The following ARHGEF38 variants were observed in gnomAD, a reference collection of about 807,000 sequenced individuals.
The protein encoded by ARHGEF38 is Rho guanine nucleotide exchange factor (GEF) 38.
A neutral mutation model predicts 79.9 loss-of-function variants in ARHGEF38; 79 were observed. The observed-to-expected ratio is 0.99, with a 90% CI of 0.82 to 1.19. The LOEUF is 1.19. Ranked by LOEUF, ARHGEF38 falls within the 50% of genes most tolerant of loss-of-function variation. ARHGEF38 has a pLI of 0.00. For missense variants in ARHGEF38, 962 were observed against 907.2 expected (o/e 1.06, Z -0.78); for synonymous variants, 366 against 328.3 (o/e 1.11, Z -1.24).
intron 3 of ARHGEF38, among the ~76,000 whole-genome samples, chr4:105,617,987 C>T (rs1728578052): frequency 6.6e-6 from 1 of 151,826 alleles, no homozygotes; most frequent in Admixed American, 6.6e-5. Context: ...ATAGAAACAA[C>T]TTACTTGGTG....
At chr4:105,598,250 G>C (rs1041389082) in intron 2 of ARHGEF38, among the ~76,000 whole-genome samples, 1 of 152,130 alleles carries the variant, frequency 6.6e-6, no homozygotes, top group Admixed American at 6.6e-5. Context: ...CCCACCCACT[G>C]TAGAGTAAGG....
In ARHGEF38 at chr4:105,552,833, G is replaced by A. The variant is rs983609319; in HGVS notation, c.68G>A (p.Arg23Lys). 6.2e-7 allele frequency: 1 copy of A among 1,613,886 alleles called. No homozygotes were observed. The highest frequency in any genetic ancestry group is 8.5e-7 in the Non-Finnish European group (1 of 1,179,838). ...VTKKKNLAFL[R>K]SRLYMLERRK... The stretch of plus-strand genomic sequence containing the variant: ...AAGAAAAAGAATCTGGCCTTCTTGA[G>A]GTCTAGACTCTATATGCTGGAGAGA... The change falls in exon 1 of 14, where the codon AGG becomes AAG. Residue 23 changes from arginine (R) to lysine (K), a missense_variant. By Grantham distance (26) the Arg-to-Lys change is conservative. Coordinates refer to ENST00000420470, the MANE Select transcript of ARHGEF38 (RefSeq NM_001242729.2).
chr4:105,652,066 G>A (rs1730126454), intron 7 of ARHGEF38, among the ~76,000 whole-genome samples: 1 of 152,198 alleles, frequency 6.6e-6, no homozygotes, highest in Admixed American at 6.5e-5. Context: ...GGCAGAGCCA[G>A]CTGCAAGGGA....
intron 5 of ARHGEF38, among the ~76,000 whole-genome samples, chr4:105,637,260 G>A (rs948560029): frequency 1.3e-5 from 2 of 152,102 alleles, no homozygotes; most frequent in Non-Finnish European, 2.9e-5. Flanking sequence ...TTGGTGCAGA[G>A]CAACAGTGAG....
intron 13 of ARHGEF38, among the ~76,000 whole-genome samples, chr4:105,668,811 G>A (rs1163084232): frequency 1.3e-5 from 2 of 152,114 alleles, no homozygotes; most frequent in Non-Finnish European, 2.9e-5. Flanking sequence ...ATTTTGTGAG[G>A]CTGAGGTGGG....
intron 2 of ARHGEF38, among the ~76,000 whole-genome samples, chr4:105,606,367 T>C (rs2110482390): frequency 6.6e-6 from 1 of 152,180 alleles, no homozygotes; most frequent in South Asian, 2.1e-4. Flanking sequence ...TAAATATATA[T>C]GTCATGCACA....
intron 9 of ARHGEF38, among the ~76,000 whole-genome samples, chr4:105,657,008 GTGA>G (rs1262483701): frequency 4.6e-5 from 7 of 151,998 alleles, no homozygotes; most frequent in Non-Finnish European, 1.0e-4. Context: ...ATAGATGATG[GTGA>G]TGATGAGATA....
rs539372730 is a variant in ARHGEF38, at chr4:105,585,167, C to T, written c.197-4081C>T. ...GTTTGAGACTGTAGAGAAAGTAACC[C>T]TATTTTTCCCATTCCCACAGAAATA... On this transcript the variant is annotated intron_variant, in intron 1 of 13. Coordinates refer to ENST00000420470, the MANE Select transcript of ARHGEF38 (RefSeq NM_001242729.2). Among the ~76,000 whole-genome samples, 420 of 88,068 alleles carry T rather than the reference C, an allele frequency of 4.8e-3. 2 individuals carry two copies. Among genetic ancestry groups the T allele is most frequent in the Middle Eastern group, 0.02 (4 of 200 alleles). 57.8% of individuals were successfully genotyped at this position (88,068 alleles called of 152,430 possible).
intron 1 of ARHGEF38, among the ~76,000 whole-genome samples, chr4:105,554,070 G>A (rs149478085): frequency 1.1e-3 from 161 of 151,972 alleles, no homozygotes; most frequent in African/African-American, 3.3e-3. Flanking sequence ...ATTACCAGTA[G>A]TTCAGCACTA....
At position 105,667,223 on chromosome 4, in the gene ARHGEF38, C is replaced by T. The variant is rs775571980; in HGVS notation, c.1784C>T (p.Ala595Val). The T allele has an allele frequency of 2.6e-5, 40 of 1,536,030 alleles. No individual in the cohort carries two copies. Among genetic ancestry groups the T allele is most frequent in the Non-Finnish European group, 2.2e-5 (25 of 1,146,922 alleles). ...TATCAAGCTAAGCGCAAGTGCAATG[C>T]TACACAAGAATATGACATCAATCTT... ...ELYQAKRKCN[A>V]TQEYDINLLE... The change falls in exon 12 of 14, where the codon GCT becomes GTT. Residue 595 changes from alanine (A) to valine (V), a missense_variant. By Grantham distance (64) the Ala-to-Val change is moderately conservative. Coordinates refer to ENST00000420470, the MANE Select transcript of ARHGEF38 (RefSeq NM_001242729.2).
chr4:105,639,479 C>T (rs1178113203), intron 5 of ARHGEF38, among the ~76,000 whole-genome samples: 1 of 151,734 alleles, frequency 6.6e-6, no homozygotes, highest in East Asian at 1.9e-4. Context: ...AAGGATGATC[C>T]TATGATTTCT....
chr4:105,553,009 A>G lies in ARHGEF38; in HGVS notation c.196+48A>G, dbSNP rs1019891467. On this transcript the variant is annotated intron_variant, in intron 1 of 13. Coordinates refer to ENST00000420470, the MANE Select transcript of ARHGEF38 (RefSeq NM_001242729.2). ...TCCCAGTTACTGCACTCCCAGCTCC[A>G]TTTCTGCTACGTTTCCAATTGCAAA... 2.8e-6 allele frequency: 4 copies of G among 1,445,402 alleles called. No homozygotes were observed. In the African/African-American group the frequency reaches 5.7e-5, roughly 21 times the overall value. The allele number at this position is 1,445,402 out of a possible 1,614,324, so 89.5% of individuals were successfully genotyped here. A position where few individuals can be genotyped will look rare whatever the true frequency, so the allele number is the denominator to read the frequency against.
intron 13 of ARHGEF38, among the ~76,000 whole-genome samples, chr4:105,670,805 C>T (rs1215415247): frequency 1.3e-5 from 2 of 152,134 alleles, no homozygotes; most frequent in South Asian, 2.1e-4. Flanking sequence ...CCTAGATGGA[C>T]AGAAATCTGA....
At chr4:105,614,561 G>A (rs1728438270) in intron 3 of ARHGEF38, among the ~76,000 whole-genome samples, 1 of 152,136 alleles carries the variant, frequency 6.6e-6, no homozygotes, top group Non-Finnish European at 1.5e-5. Flanking sequence ...GCTGATCAAA[G>A]ACATGAAATA....
At chr4:105,591,329 T>C (rs914233955) in intron 2 of ARHGEF38, among the ~76,000 whole-genome samples, 2 of 152,062 alleles carry the variant, frequency 1.3e-5, no homozygotes, top group Non-Finnish European at 1.5e-5. Context: ...CCCGGGTTCA[T>C]GCCATTCTCC....
chr4:105,606,399 G>C (rs1728042616), intron 2 of ARHGEF38, among the ~76,000 whole-genome samples: 1 of 151,952 alleles, frequency 6.6e-6, no homozygotes, highest in South Asian at 2.1e-4. Flanking sequence ...TTTTTAAGTT[G>C]TGTGATTTTG....
At position 105,589,285 on chromosome 4, in the gene ARHGEF38, G is replaced by C; in HGVS notation, c.234G>C (p.Glu78Asp). The C allele has an allele frequency of 6.2e-7, 1 of 1,613,970 alleles. No individual in the cohort carries two copies. Among genetic ancestry groups the C allele is most frequent in the South Asian group, 1.1e-5 (1 of 91,036 alleles). ...CACAGGGTGAGTGTTCTGTAGCTGA[G>C]ACCTTAACCCCAGAGGAAGAGCATC... ...MTPQGECSVA[E>D]TLTPEEEHHM... The change falls in exon 2 of 14, where the codon GAG (glutamate) becomes GAC (aspartate). Residue 78 changes from glutamate to aspartate, a missense_variant. By Grantham distance (45) the Glu-to-Asp change is conservative (BLOSUM62 2). Coordinates refer to ENST00000420470, the MANE Select transcript of ARHGEF38 (RefSeq NM_001242729.2).
intron 10 of ARHGEF38, among the ~76,000 whole-genome samples, 179 bp from the exon 11 acceptor site, chr4:105,665,998 T>C (rs1418129851): frequency 6.6e-6 from 1 of 152,214 alleles, no homozygotes; most frequent in East Asian, 1.9e-4. Context: ...ATCATGTTTG[T>C]GGGGTTTCTA....
chr4:105,559,049 A>AT (rs1400540288), intron 1 of ARHGEF38, among the ~76,000 whole-genome samples: 1 of 89,476 alleles, frequency 1.1e-5, no homozygotes, highest in Non-Finnish European at 2.9e-5. Context: ...ACACAGGAAA[A>AT]GAAAAAAAAA....
Sources: gnomAD v4.1 joint callset for allele counts (sites outside exome capture counted in the v4.1 genomes callset) on GRCh38, gnomAD v4.1.1 for gene constraint, MANE v1.5 for transcripts, NCBI Gene and HGNC (gene_info 2026-07-23, HGNC 2026-07-21) for gene names.